The following TRPM1 variants were observed in gnomAD, a reference collection of about 807,000 sequenced individuals.
TRPM1 encodes TRPM1-203 APA Isoform, Intron 10.
In TRPM1, 113 loss-of-function variants were observed where a neutral mutation model predicts 149.4. That is an observed-to-expected ratio of 0.76 (90% confidence interval 0.65 to 0.88). TRPM1 has a LOEUF of 0.88. Ranked by LOEUF, TRPM1 falls within the 40% of genes least tolerant of loss-of-function variation. The probability of loss-of-function intolerance (pLI) is 0.00; values close to 1 mark genes in which losing one functional copy is unlikely to be tolerated. For missense variants in TRPM1, 1,976 were observed against 2,038.7 expected (o/e 0.97, Z 0.59); for synonymous variants, 741 against 759.5 (o/e 0.98, Z 0.40).
chr15:31,042,859 T>C (rs901208742), intron 16 of TRPM1, among the ~76,000 whole-genome samples: 2 of 152,234 alleles, frequency 1.3e-5, no homozygotes, highest in Non-Finnish European at 2.9e-5. Flanking sequence ...TGGATCAGGA[T>C]TCATAAGAAA....
chr15:31,143,790 G>A (rs1382260736), intron 1 of TRPM1, among the ~76,000 whole-genome samples: 5 of 151,946 alleles, frequency 3.3e-5, no homozygotes, highest in Non-Finnish European at 7.4e-5. Context: ...ATTTTGTGAA[G>A]CATACTTTTG....
chr15:31,103,692 A>T (rs1340662987), upstream of TRPM1, among the ~76,000 whole-genome samples: 1 of 151,886 alleles, frequency 6.6e-6, no homozygotes, highest in Non-Finnish European at 1.5e-5. Context: ...GGGTGCCTGT[A>T]ATCCCAGCTA....
chr15:31,149,850 C>T (rs1339306329), intron 1 of TRPM1, among the ~76,000 whole-genome samples: 1 of 152,238 alleles, frequency 6.6e-6, no homozygotes, highest in Non-Finnish European at 1.5e-5. Flanking sequence ...TCCATCTTGA[C>T]ATTCTGCCAA....
Position 31,047,229 on chromosome 15 carries a change from T to A in TRPM1, c.1646A>T (p.His549Leu). 2 of 1,614,190 alleles carry A rather than the reference T, an allele frequency of 1.2e-6. No individual in the cohort carries two copies. Among genetic ancestry groups the A allele is most frequent in the Non-Finnish European group, 1.7e-6 (2 of 1,180,030 alleles). Residue 549 changes from histidine (H) to leucine (L), a missense_variant, in exon 15 of 28, where the codon CAC (histidine) becomes CTC (leucine). His to Leu is a moderately conservative substitution (Grantham distance 99). Coordinates refer to ENST00000256552, the MANE Select transcript of TRPM1 (RefSeq NM_001252024.2). Reference sequence around the variant, plus strand: ...GAGCCCGATGTCTATGAGGCTGATGTGGTAATCAGGCGGAAGGTTGCTCTG... The same window carrying A: ...GAGCCCGATGTCTATGAGGCTGATGAGGTAATCAGGCGGAAGGTTGCTCTG... Reference protein sequence around the residue: ...VKKSNLPPDYHISLIDIGLVL... With the variant: ...VKKSNLPPDYLISLIDIGLVL...
At chr15:31,100,976 C>A (rs1238696231) in intron 1 of TRPM1, among the ~76,000 whole-genome samples, 1 of 152,180 alleles carries the variant, frequency 6.6e-6, no homozygotes, top group Non-Finnish European at 1.5e-5. Flanking sequence ...GAACTGCCTT[C>A]CAGAAACCAG....
At chr15:31,121,223 C>CAAAAAAAAAA (rs71420549) in intron 1 of TRPM1, among the ~76,000 whole-genome samples, 1 of 59,374 alleles carries the variant, frequency 1.7e-5, no homozygotes, top group African/African-American at 6.6e-5. Context: ...GACTCCATCT[C>CAAAAAAAAAA]AAAAAAAAAA....
rs1338800552 is a variant in TRPM1 at position 31,026,254 on chromosome 15, C to T, written c.3514G>A (p.Glu1172Lys). 1.2e-6 allele frequency: 2 copies of T among 1,611,430 alleles called. No homozygotes were observed. The highest frequency in any genetic ancestry group is 1.7e-6 in the Non-Finnish European group (2 of 1,180,022). Residue 1172 changes from glutamate (E) to lysine (K), a missense_variant, in exon 27 of 28, where the codon GAG becomes AAG. Physicochemically the swap from Glu to Lys is moderately conservative, Grantham distance 56. This residue lies in a region of TRPM1 where 572 missense variants were observed against 578.9 expected (regional missense o/e 0.99). Transcript: ENST00000256552. ...DRGLKLFLSDEELKRLHEFEE... is the reference protein window; with the variant it reads ...DRGLKLFLSDKELKRLHEFEE... ...AACTCATGCAGCCTCTTTAGCTCCTCGTCGCTAAGGAAGAGCTCTGTGTGA... is the reference window on the plus strand; with the variant it reads ...AACTCATGCAGCCTCTTTAGCTCCTTGTCGCTAAGGAAGAGCTCTGTGTGA...
intron 1 of TRPM1, among the ~76,000 whole-genome samples, chr15:31,113,858 CA>C (rs2035757757): frequency 6.6e-6 from 1 of 152,166 alleles, no homozygotes; most frequent in Admixed American, 6.5e-5. Context: ...GACGCTCCCA[CA>C]CGCTGGAAGG....
At chr15:31,159,966 G>A (rs964576249) in intron 1 of TRPM1, among the ~76,000 whole-genome samples, 3 of 152,088 alleles carry the variant, frequency 2.0e-5, no homozygotes, top group Non-Finnish European at 4.4e-5. Flanking sequence ...ATCCTCCCCA[G>A]CCCACACAAG....
In TRPM1 at chr15:31,025,923, GATAA is replaced by G. The variant is rs1397407125; in HGVS notation, c.3629+212_3629+215del. ...ACTGTTAGGTTTTCTTTCGGCCCAG[GATAA>G]ATAAATGTCATTCCCTTCTATATCC... On this transcript the variant is annotated intron_variant, in intron 27 of 27. Transcript: ENST00000256552. Among the ~76,000 whole-genome samples, 6 of 152,342 alleles carry G rather than the reference GATAA, an allele frequency of 3.9e-5. No individual in the cohort carries two copies. The South Asian group carries it at 1.0e-3, about 26-fold the overall frequency.
intron 25 of TRPM1, 46 bp downstream of exon 25, chr15:31,028,286 T>C (rs776803410): frequency 5.0e-6 from 8 of 1,612,362 alleles, no homozygotes; most frequent in Non-Finnish European, 6.8e-6. Flanking sequence ...GGAAAATCTG[T>C]ACAGTAATAA....
chr15:31,102,046 G>A (rs936108141), upstream of TRPM1, among the ~76,000 whole-genome samples: 2 of 152,222 alleles, frequency 1.3e-5, no homozygotes, highest in African/African-American at 4.8e-5. Flanking sequence ...GGACATAATG[G>A]TTCTTTCAGA....
At chr15:31,078,680 A>C (rs375481681) in intron 2 of TRPM1, among the ~76,000 whole-genome samples, 1 of 152,184 alleles carries the variant, frequency 6.6e-6, no homozygotes, top group Non-Finnish European at 1.5e-5. Context: ...TCTGTTTTGC[A>C]CTTTTCCCGT....
intron 1 of TRPM1, among the ~76,000 whole-genome samples, chr15:31,126,849 T>G (rs1234056351): frequency 6.6e-6 from 1 of 151,924 alleles, no homozygotes; most frequent in African/African-American, 2.4e-5. Flanking sequence ...CGCCTGCAAT[T>G]CTAGCTACTC....
chr15:31,045,659 C>T (rs2033742011), intron 16 of TRPM1, among the ~76,000 whole-genome samples: 1 of 152,164 alleles, frequency 6.6e-6, no homozygotes, highest in Non-Finnish European at 1.5e-5. Flanking sequence ...TTCCCTTGCT[C>T]TAAGATATAC....
At chr15:31,028,746 C>T (rs1203957994) in intron 24 of TRPM1, among the ~76,000 whole-genome samples, 1 of 151,430 alleles carries the variant, frequency 6.6e-6, no homozygotes, top group Non-Finnish European at 1.5e-5. Flanking sequence ...AGCGAGACTC[C>T]CAGTTGTCTC....
intron 25 of TRPM1, among the ~76,000 whole-genome samples, chr15:31,027,922 A>C (rs2032861853): frequency 6.6e-6 from 1 of 151,546 alleles, no homozygotes; most frequent in Non-Finnish European, 1.5e-5. Flanking sequence ...GTATTCTATA[A>C]ATGATCAGAA....
chr15:31,121,223 C>CAAAA (rs71420549), intron 1 of TRPM1, among the ~76,000 whole-genome samples: 173 of 58,102 alleles, frequency 3.0e-3, no homozygotes, highest in Middle Eastern at 0.01. Context: ...GACTCCATCT[C>CAAAA]AAAAAAAAAA....
Position 31,002,799 on chromosome 15 carries a change from C to T in TRPM1, c.3901G>A (p.Gly1301Arg), listed in dbSNP as rs760510824. 22 of 1,614,174 alleles carry T rather than the reference C, an allele frequency of 1.4e-5. No individual in the cohort carries two copies. The highest frequency in any genetic ancestry group is 1.6e-4 in the Middle Eastern group (1 of 6,062). ...GYSLYRYHFN[G>R]EELLFEDTSL... ...GTATCCTCAAATAATAACTCTTCTC[C>T]GTTAAAATGATATCGATACAAGCTG... The change falls in exon 28 of 28, where the codon GGA becomes AGA. Residue 1301 changes from glycine (G) to arginine (R), a missense_variant. Physicochemically the swap from Gly to Arg is moderately radical, Grantham distance 125 (BLOSUM62 -2). Coordinates refer to ENST00000256552, the MANE Select transcript of TRPM1 (RefSeq NM_001252024.2).
Sources: gnomAD v4.1 joint callset for allele counts (sites outside exome capture counted in the v4.1 genomes callset) on GRCh38, gnomAD v4.1.1 for gene constraint, gnomAD v4.1.1 regional missense constraint, MANE v1.5 for transcripts, NCBI Gene and HGNC (gene_info 2026-07-23, HGNC 2026-07-21) for gene names.